GPC5: variants seen among roughly 807,000 people sequenced by gnomAD.
GPC5 encodes the protein glypican-5.
Under a neutral mutation model 53.9 loss-of-function variants are expected in GPC5, and 47 were observed. The ratio of observed to expected loss-of-function variants is 0.87; its 90% CI spans 0.69 to 1.11. The LOEUF is 1.11. Ranked by LOEUF, GPC5 falls within the 50% of genes most tolerant of loss-of-function variation. The pLI, the probability that GPC5 is intolerant of heterozygous loss-of-function variation, is 0.00. For synonymous variants in GPC5, 286 were observed against 263.3 expected (o/e 1.09, Z -0.84); for missense variants, 748 against 713.1 (o/e 1.05, Z -0.56).
intron 5 of GPC5, among the ~76,000 whole-genome samples, chr13:91,853,482 A>G (rs1214576937): frequency 6.6e-6 from 1 of 152,016 alleles, no homozygotes; most frequent in African/African-American, 2.4e-5. Context: ...TGATGGGATT[A>G]CAGCATGGAG....
At chr13:91,415,286 TC>T (rs1260889841) in intron 1 of GPC5, among the ~76,000 whole-genome samples, 7 of 152,182 alleles carry the variant, frequency 4.6e-5, no homozygotes, top group Non-Finnish European at 7.3e-5. Context: ...TCAGTGTTCT[TC>T]CCCTGTAACA....
At chr13:91,790,426 T>C (rs2037946198) in intron 5 of GPC5, among the ~76,000 whole-genome samples, 1 of 152,226 alleles carries the variant, frequency 6.6e-6, no homozygotes, top group African/African-American at 2.4e-5. Flanking sequence ...GCTCTTGCAT[T>C]CAGATATTTA....
At position 92,283,566 on chromosome 13, in the gene GPC5, C is replaced by G. The variant is rs188132385; in HGVS notation, c.1561+138577C>G. Among the ~76,000 whole-genome samples, 419 of 152,298 alleles carry G rather than the reference C, an allele frequency of 2.8e-3. 2 individuals carry two copies. The highest frequency in any genetic ancestry group is 4.1e-3 in the Non-Finnish European group (281 of 68,018). On this transcript the variant is annotated intron_variant, in intron 7 of 7. Coordinates refer to ENST00000377067, the MANE Select transcript of GPC5 (RefSeq NM_004466.6). ...TCTCTCAGACCACAGTGCAATCAGA[C>G]TAGAACTCAGGATTAAGAAACTCCC...
At chr13:92,646,796 T>A (rs925819481) in intron 7 of GPC5, among the ~76,000 whole-genome samples, 1 of 123,652 alleles carries the variant, frequency 8.1e-6, no homozygotes, top group Non-Finnish European at 2.0e-5. Context: ...AATGGTATTA[T>A]GTTTTTTAAT....
intron 7 of GPC5, among the ~76,000 whole-genome samples, chr13:92,223,619 AT>A (rs200919096): frequency 1.1e-3 from 167 of 148,046 alleles, no homozygotes; most frequent in East Asian, 3.3e-3. Flanking sequence ...AACCTCATTG[AT>A]TTTTTTTTTT....
At chr13:92,164,914 G>A (rs750601743) in intron 7 of GPC5, among the ~76,000 whole-genome samples, 3 of 152,328 alleles carry the variant, frequency 2.0e-5, no homozygotes, top group African/African-American at 7.2e-5. Context: ...AAGCCACCAA[G>A]GCTTGGGGTT....
chr13:91,857,580 G>GT (rs1325183990), intron 5 of GPC5, among the ~76,000 whole-genome samples: 4,294 of 143,896 alleles, frequency 0.03, 208 homozygotes, highest in African/African-American at 0.1. Context: ...TTCTATGGCT[G>GT]TTTTTTTTTT....
chr13:92,449,757 TA>T (rs1877982738), intron 7 of GPC5, among the ~76,000 whole-genome samples: 2 of 152,024 alleles, frequency 1.3e-5, no homozygotes, highest in African/African-American at 4.8e-5. Context: ...TATTACACTT[TA>T]AAGATAAACT....
At chr13:91,869,391 A>C (rs557013612) in intron 5 of GPC5, among the ~76,000 whole-genome samples, 1 of 152,308 alleles carries the variant, frequency 6.6e-6, no homozygotes, top group East Asian at 1.9e-4. Context: ...GAGATTATTA[A>C]TTGTATTCTT....
At chr13:91,467,304 C>G (rs1882301240) in intron 2 of GPC5, among the ~76,000 whole-genome samples, 1 of 152,166 alleles carries the variant, frequency 6.6e-6, no homozygotes, top group African/African-American at 2.4e-5. Flanking sequence ...CCTGTCACCA[C>G]AGAGGGAGAA....
At chr13:92,750,710 A>G (rs1032933254) in intron 7 of GPC5, among the ~76,000 whole-genome samples, 2 of 152,190 alleles carry the variant, frequency 1.3e-5, no homozygotes, top group African/African-American at 4.8e-5. Context: ...CTGTCATCCA[A>G]AAGAGGGTTA....
chr13:91,804,842 A>C (rs2038195113), intron 5 of GPC5, among the ~76,000 whole-genome samples: 1 of 152,186 alleles, frequency 6.6e-6, no homozygotes, highest in African/African-American at 2.4e-5. Context: ...TGTGAACTTC[A>C]CTCAGGCTCA....
chr13:92,744,913 T>C (rs2139316822), intron 7 of GPC5, among the ~76,000 whole-genome samples: 1 of 152,152 alleles, frequency 6.6e-6, no homozygotes, highest in Admixed American at 6.6e-5. Flanking sequence ...TACATGTTGA[T>C]GACTTTATAA....
At chr13:91,874,375 G>T (rs2039180052) in intron 5 of GPC5, among the ~76,000 whole-genome samples, 1 of 151,984 alleles carries the variant, frequency 6.6e-6, no homozygotes, top group Non-Finnish European at 1.5e-5. Flanking sequence ...ATAGGATGTA[G>T]TCAGAATTTT....
chr13:91,786,833 A>C (rs2037887061), intron 5 of GPC5, among the ~76,000 whole-genome samples: 1 of 152,096 alleles, frequency 6.6e-6, no homozygotes, highest in Non-Finnish European at 1.5e-5. Context: ...TTCAATCTAT[A>C]AATGTTTCTT....
intron 7 of GPC5, among the ~76,000 whole-genome samples, chr13:92,832,596 A>G (rs938295355): frequency 2.6e-5 from 4 of 152,182 alleles, no homozygotes; most frequent in African/African-American, 9.7e-5. Context: ...GCAGTTAAGA[A>G]GTCTACACAT....
At chr13:92,196,629 C>T (rs2042258416) in intron 7 of GPC5, among the ~76,000 whole-genome samples, 1 of 152,200 alleles carries the variant, frequency 6.6e-6, no homozygotes, top group South Asian at 2.1e-4. Context: ...CCTATGGCCC[C>T]TCTGTTCACA....
intron 5 of GPC5, among the ~76,000 whole-genome samples, chr13:91,806,160 C>T (rs1228665139): frequency 2.0e-5 from 3 of 150,394 alleles, no homozygotes; most frequent in South Asian, 2.1e-4. Context: ...CTCAGCGTCC[C>T]GAGTGGCTGG....
At chr13:91,566,203 C>T (rs2031519121) in intron 2 of GPC5, among the ~76,000 whole-genome samples, 1 of 152,080 alleles carries the variant, frequency 6.6e-6, no homozygotes, top group African/African-American at 2.4e-5. Context: ...AAAGTCAGTT[C>T]TGAGTTTCTT....
Sources: allele counts gnomAD v4.1 joint callset (sites outside exome capture counted in the v4.1 genomes callset), GRCh38; gene constraint gnomAD v4.1.1; transcripts MANE v1.5; gene names NCBI Gene and HGNC (gene_info 2026-07-23, HGNC 2026-07-21).